CA7: variants seen among roughly 807,000 people sequenced by gnomAD.
CA7 encodes carbonate dehydratase VII.
Under a neutral mutation model 31.4 loss-of-function variants are expected in CA7, and 13 were observed. The ratio of observed to expected loss-of-function variants is 0.41; its 90% CI spans 0.27 to 0.66. The LOEUF is 0.66. Ranked by LOEUF, CA7 falls within the 30% of genes least tolerant of loss-of-function variation. The pLI is 0.28. For synonymous variants in CA7, 128 were observed against 133.2 expected, an observed-to-expected ratio of 0.96 and a Z score of 0.27; for missense variants, 215 against 351.0, an observed-to-expected ratio of 0.61 and a Z score of 3.10.
chr16:66,849,778 G>T (rs940597801), intron 2 of CA7, among the ~76,000 whole-genome samples: 5 of 152,244 alleles, frequency 3.3e-5, no homozygotes, highest in African/African-American at 1.2e-4. Context: ...TTTCTGCCCT[G>T]GCCCAGCTCA....
Position 66,850,665 on chromosome 16 carries a change from G to A in CA7, c.357+6G>A, listed in dbSNP as rs777867988. Reference sequence around the variant, plus strand: ...GCAAGTCCTTCCCCAGCGAGGTACGGGCCCTCCTCCACTTGAATCCCTCTG... The same window carrying A: ...GCAAGTCCTTCCCCAGCGAGGTACGAGCCCTCCTCCACTTGAATCCCTCTG... On this transcript the variant is annotated splice_donor_region_variant and intron_variant, in intron 3 of 6. Transcript: ENST00000338437. 1.9e-6 allele frequency: 3 copies of A among 1,581,620 alleles called. No homozygotes were observed. Among genetic ancestry groups the A allele is most frequent in the Non-Finnish European group, 2.6e-6 (3 of 1,150,360 alleles).
At chr16:66,850,452 T>C in intron 2 of CA7, 89 bp from the exon 3 acceptor site, 1 of 775,476 alleles carries the variant, frequency 1.3e-6, no homozygotes, top group South Asian at 1.4e-5. Flanking sequence ...AAAAAAAAAA[T>C]GTCCCTTTCC....
At position 66,844,464 on chromosome 16, in the gene CA7, C is replaced by A; in HGVS notation, c.-24C>A. ...GCGGACCGAGCCGACCGGGCAGGTG[C>A]ACGGCTGCGGGGACGGCAGCGGCAT... On this transcript the variant is annotated 5_prime_UTR_variant, in exon 1 of 7. Transcript: ENST00000338437. 1 of 1,537,496 alleles carries A rather than the reference C, an allele frequency of 6.5e-7. No individual in the cohort carries two copies. Among genetic ancestry groups the A allele is most frequent in the Non-Finnish European group, 8.8e-7 (1 of 1,141,454 alleles).
At chr16:66,849,726 C>G (rs367842402) in intron 2 of CA7, among the ~76,000 whole-genome samples, 3 of 152,148 alleles carry the variant, frequency 2.0e-5, no homozygotes, top group African/African-American at 7.2e-5. Flanking sequence ...GAGCTGTCCT[C>G]TGTCAGTCCC....
At position 66,853,718 on chromosome 16, in the gene CA7, T is replaced by C; in HGVS notation, c.*220T>C. ...CAGGAAGGACAGGAGCTAAGCAGGG[T>C]CCAAGCCTGGGGCTGCCTCTGCTCT... On this transcript the variant is annotated 3_prime_UTR_variant, in exon 7 of 7. Transcript: ENST00000338437. This position sits in a 1 kb window ranked among gnomAD's most constrained non-coding sequence, Gnocchi z 4.5. The C allele has an allele frequency of 7.0e-6, 4 of 574,488 alleles. No individual in the cohort carries two copies. Among genetic ancestry groups the C allele is most frequent in the Middle Eastern group, 4.8e-4 (1 of 2,092 alleles). 35.6% of individuals were successfully genotyped at this position (574,488 alleles called of 1,614,324 possible).
chr16:66,853,340 C>G lies in CA7; in HGVS notation c.673-36C>G. ...GGGGTCATAGAGGACCACAGCACCC[C>G]CAATCTGCCCTGAGCATTCCTTCTG... On this transcript the variant is annotated intron_variant, in intron 6 of 6. Coordinates refer to ENST00000338437, the MANE Select transcript of CA7 (RefSeq NM_005182.3). The surrounding 1 kb of genome is among the most constrained non-coding windows in gnomAD (Gnocchi z 4.5). 2.5e-6 allele frequency: 4 copies of G among 1,613,520 alleles called. No homozygotes were observed. The highest frequency in any genetic ancestry group is 2.5e-6 in the Non-Finnish European group (3 of 1,179,598).
chr16:66,847,051 TG>T lies in CA7; in HGVS notation c.63del (p.Tyr22IlefsTer49). 1 of 1,614,180 alleles carries T rather than the reference TG, an allele frequency of 6.2e-7. No homozygotes were observed. The highest frequency in any genetic ancestry group is 8.5e-7 in the Non-Finnish European group (1 of 1,180,032). On this transcript the variant is annotated frameshift_variant, in exon 2 of 7. Transcript: ENST00000338437. LOFTEE classifies it high-confidence loss of function. ...QDDGPSHWHK[L>X]YPIAQGDRQS... ...GCAGGCCCCTCGCATTGGCACAAGC[TG>T]TATCCCATTGCCCAGGGAGATCGCC...
Position 66,847,151 on chromosome 16 carries a change from G to GC in CA7, c.162_163insC (p.Ala55ArgfsTer20). On this transcript the variant is annotated frameshift_variant, in exon 2 of 7. Coordinates refer to ENST00000338437, the MANE Select transcript of CA7 (RefSeq NM_005182.3). LOFTEE classifies it high-confidence loss of function. Reference sequence around the variant, plus strand: ...TGCAACCACTGGAGCTTTCCTATGAGGCCTGCATGTCCCTCAGCATCACCA... The same window carrying GC: ...TGCAACCACTGGAGCTTTCCTATGAGCGCCTGCATGTCCCTCAGCATCACCA... 1 of 1,614,176 alleles carries GC rather than the reference G, an allele frequency of 6.2e-7. No individual in the cohort carries two copies. The highest frequency in any genetic ancestry group is 8.5e-7 in the Non-Finnish European group (1 of 1,180,018).
Position 66,853,481 on chromosome 16 carries a change from G to T in CA7, c.778G>T (p.Ala260Ser). Residue 260 changes from alanine to serine, a missense_variant, in exon 7 of 7, where the codon GCC becomes TCC. By Grantham distance (99) the Ala-to-Ser change is moderately conservative. Coordinates refer to ENST00000338437, the MANE Select transcript of CA7 (RefSeq NM_005182.3). This position sits in a 1 kb window ranked among gnomAD's most constrained non-coding sequence, Gnocchi z 4.5. ...GCCACTGAAGGGCCGCGTGGTAAAG[G>T]CCTCCTTCCGGGCCTGAGCTGCCCA... ...PQPLKGRVVK[A>S]SFRA 5 of 1,614,102 alleles carry T rather than the reference G, an allele frequency of 3.1e-6. No individual in the cohort carries two copies. The highest frequency in any genetic ancestry group is 4.2e-6 in the Non-Finnish European group (5 of 1,180,012).
chr16:66,852,919 C>A, intron 6 of CA7, 52 bp downstream of exon 6: 1 of 1,546,956 alleles, frequency 6.5e-7, no homozygotes, highest in Non-Finnish European at 8.8e-7. Flanking sequence ...AGGGCTCACC[C>A]CAGGCAGTGT....
Position 66,847,068 on chromosome 16 carries a change from G to A in CA7, c.79G>A (p.Gly27Arg). 2 of 1,614,158 alleles carry A rather than the reference G, an allele frequency of 1.2e-6. No homozygotes were observed. Among genetic ancestry groups the A allele is most frequent in the Non-Finnish European group, 1.7e-6 (2 of 1,180,024 alleles). The change falls in exon 2 of 7, where the codon GGA becomes AGA. Residue 27 changes from glycine to arginine, a missense_variant. Physicochemically the swap from Gly to Arg is moderately radical, Grantham distance 125 (BLOSUM62 -2). Coordinates refer to ENST00000338437, the MANE Select transcript of CA7 (RefSeq NM_005182.3). ...GCACAAGCTGTATCCCATTGCCCAG[G>A]GAGATCGCCAATCACCCATCAATAT... is the stretch of plus-strand genomic sequence containing the variant. Reference protein sequence around the residue: ...HWHKLYPIAQGDRQSPINIIS... With the variant: ...HWHKLYPIAQRDRQSPINIIS...
rs551546964 is a variant in CA7, at chr16:66,853,946, G to A, written c.*448G>A. 22 of 160,142 alleles carry A rather than the reference G, an allele frequency of 1.4e-4. No homozygotes were observed. Among genetic ancestry groups the A allele is most frequent in the Admixed American group, 3.0e-4 (5 of 16,676 alleles). The allele number at this position is 160,142 out of a possible 1,614,324, so 9.9% of individuals were successfully genotyped here. ...CTCTTCTGCAGGCTCTGCCATGCAC[G>A]CACCTCACTGCCAGGCCATTAAAAT... On this transcript the variant is annotated 3_prime_UTR_variant, in exon 7 of 7. Transcript: ENST00000338437. The surrounding 1 kb of genome is among the most constrained non-coding windows in gnomAD (Gnocchi z 4.5).
In CA7 at chr16:66,850,580, A is replaced by G; in HGVS notation, c.278A>G (p.Lys93Arg). 2 of 1,614,022 alleles carry G rather than the reference A, an allele frequency of 1.2e-6. No homozygotes were observed. The highest frequency in any genetic ancestry group is 1.7e-6 in the Non-Finnish European group (2 of 1,179,890). ...GGPLEGPYRL[K>R]QFHFHWGKKH... ...CCCCTGGAAGGGCCCTACCGCCTCA[A>G]GCAGTTTCACTTCCACTGGGGCAAG... The change falls in exon 3 of 7, where the codon AAG becomes AGG. Residue 93 changes from lysine to arginine, a missense_variant. Lys to Arg is a conservative substitution (Grantham distance 26). Coordinates refer to ENST00000338437, the MANE Select transcript of CA7 (RefSeq NM_005182.3).
Position 66,851,492 on chromosome 16 carries a change from G to T in CA7, c.387G>T (p.Lys129Asn). The T allele has an allele frequency of 6.2e-7, 1 of 1,614,204 alleles. No individual in the cohort carries two copies. The highest frequency in any genetic ancestry group is 8.5e-7 in the Non-Finnish European group (1 of 1,180,026). ...ATCTGGTTCACTGGAATGCCAAGAA[G>T]TACAGCACTTTTGGGGAGGCGGCCT... ...ELHLVHWNAK[K>N]YSTFGEAASA... Residue 129 changes from lysine (K) to asparagine (N), a missense_variant, in exon 4 of 7, where the codon AAG becomes AAT. Lys to Asn is a moderately conservative substitution (Grantham distance 94). Coordinates refer to ENST00000338437, the MANE Select transcript of CA7 (RefSeq NM_005182.3).
In CA7 at chr16:66,844,470, T is replaced by A. The variant is rs1474539017; in HGVS notation, c.-18T>A. The stretch of plus-strand genomic sequence containing the variant: ...CGAGCCGACCGGGCAGGTGCACGGC[T>A]GCGGGGACGGCAGCGGCATGACCGG... On this transcript the variant is annotated 5_prime_UTR_variant, in exon 1 of 7. Coordinates refer to ENST00000338437, the MANE Select transcript of CA7 (RefSeq NM_005182.3). 3 of 1,539,486 alleles carry A rather than the reference T, an allele frequency of 1.9e-6. No individual in the cohort carries two copies. The highest frequency in any genetic ancestry group is 2.6e-6 in the Non-Finnish European group (3 of 1,142,600).
chr16:66,845,951 C>T (rs556069070), intron 1 of CA7, among the ~76,000 whole-genome samples: 8 of 152,254 alleles, frequency 5.3e-5, no homozygotes, highest in Admixed American at 6.5e-5. Context: ...CCAGAGGGGC[C>T]GGGCCACGAT....
At chr16:66,852,581 GAAAAGAAAAAAA>G in intron 5 of CA7, 119 bp from the exon 6 acceptor site, 1 of 475,226 alleles carries the variant, frequency 2.1e-6, no homozygotes, top group Admixed American at 5.6e-5. Flanking sequence ...AGAAAGAAAA[GAAAAGAAAAAAA>G]AAAGAAAAGA....
chr16:66,850,122 CA>C (rs4000640), intron 2 of CA7, among the ~76,000 whole-genome samples: 2,187 of 82,496 alleles, frequency 0.027, 29 homozygotes, highest in South Asian at 0.1. Context: ...GACTCCATCT[CA>C]AAAAAAAAAA....
At chr16:66,844,617 C>A in intron 1 of CA7, 90 bp downstream of exon 1, 1 of 1,147,544 alleles carries the variant, frequency 8.7e-7, no homozygotes, top group Non-Finnish European at 1.2e-6. Context: ...GTTTCCCAGA[C>A]CGGAAAGCTC....
Sources: gnomAD v4.1 joint callset for allele counts (sites outside exome capture counted in the v4.1 genomes callset) on GRCh38, gnomAD v4.1.1 for gene constraint, Gnocchi (gnomAD v3.1) non-coding constraint, MANE v1.5 for transcripts, NCBI Gene and HGNC (gene_info 2026-07-23, HGNC 2026-07-21) for gene names.